Variants in DMD observed in about 807,000 individuals in gnomAD.
DMD encodes the protein dystrophin, also known as mutant dystrophin.
A neutral mutation model predicts 330.1 loss-of-function variants in DMD; 63 were observed. The ratio of observed to expected loss-of-function variants is 0.19; its 90% confidence interval spans 0.16 to 0.24. The LOEUF (loss-of-function observed/expected upper bound fraction) is 0.24, where lower values mean the gene tolerates loss of function less well. Among genes scored for constraint, DMD ranks in the 10% least tolerant of loss-of-function variants. DMD has a pLI of 1.00. For missense variants in DMD, 3,344 were observed against 2,684.1 expected, an observed-to-expected ratio of 1.25 and a Z score of -5.43; for synonymous variants, 1,223 against 959.8, an observed-to-expected ratio of 1.27 and a Z score of -5.07.
chrX:31,896,894 T>C (rs1274816264), intron 47 of DMD, among the ~76,000 whole-genome samples: 12 of 111,635 alleles, frequency 1.1e-4, no homozygotes, highest in Non-Finnish European at 2.1e-4. Context: ...AGAACAACAT[T>C]TTACAATTTC....
intron 1 of DMD, among the ~76,000 whole-genome samples, chrX:33,192,640 G>T (rs925675864): frequency 2.7e-5 from 3 of 111,942 alleles, no homozygotes; most frequent in Non-Finnish European, 5.6e-5. Context: ...AGCCAGAGGG[G>T]AAATATACCC....
chrX:33,025,158 G>T (rs1350498319), intron 1 of DMD, among the ~76,000 whole-genome samples: 1 of 112,210 alleles, frequency 8.9e-6, no homozygotes, highest in East Asian at 2.8e-4. Context: ...TGTTAGAAAA[G>T]ATATTTTGGA....
At chrX:31,878,553 G>A (rs1273073616) in intron 47 of DMD, among the ~76,000 whole-genome samples, 1 of 111,691 alleles carries the variant, frequency 9.0e-6, no homozygotes, top group Non-Finnish European at 1.9e-5. Flanking sequence ...GCTTCTGCAC[G>A]ACCAAAAGAG....
intron 7 of DMD, among the ~76,000 whole-genome samples, chrX:32,790,393 C>A (rs924358235): frequency 9.0e-6 from 1 of 111,351 alleles, no homozygotes; most frequent in Middle Eastern, 4.6e-3. Context: ...GCCCTTCAAC[C>A]CGTGTGGGCC....
At chrX:31,326,073 G>A (rs1049796474) in intron 61 of DMD, among the ~76,000 whole-genome samples, 6 of 109,933 alleles carry the variant, frequency 5.5e-5, no homozygotes, top group African/African-American at 1.7e-4. Flanking sequence ...GCGTCTCTCA[G>A]AAAGAAGTGT....
chrX:31,849,557 C>T (rs1382984538), intron 48 of DMD, among the ~76,000 whole-genome samples: 2 of 110,062 alleles, frequency 1.8e-5, no homozygotes, highest in African/African-American at 3.3e-5. Context: ...GGAGCTATCA[C>T]GTAGGGGAAT....
At chrX:33,337,464 A>G (rs1347634291) in intron 1 of DMD, among the ~76,000 whole-genome samples, 1 of 111,701 alleles carries the variant, frequency 9.0e-6, no homozygotes, top group African/African-American at 3.2e-5. Context: ...GTAACACACT[A>G]TACAAAAGCA....
intron 1 of DMD, among the ~76,000 whole-genome samples, chrX:33,048,252 CTTTATA>C (rs1423343625): frequency 9.0e-6 from 1 of 111,612 alleles, no homozygotes; most frequent in African/African-American, 3.3e-5. Flanking sequence ...AGTTGCATTT[CTTTATA>C]TTTATATTAG....
At chrX:31,990,790 A>G (rs1421947310) in intron 44 of DMD, among the ~76,000 whole-genome samples, 1 of 112,344 alleles carries the variant, frequency 8.9e-6, no homozygotes, top group East Asian at 2.8e-4. Flanking sequence ...AATCTGAATT[A>G]AAATAAATAT....
chrX:31,129,663 T>C (rs2034220092), intron 77 of DMD, among the ~76,000 whole-genome samples: 1 of 112,020 alleles, frequency 8.9e-6, no homozygotes, highest in African/African-American at 3.2e-5. Flanking sequence ...AATAAAGCTT[T>C]ATAAAAACAG....
intron 60 of DMD, among the ~76,000 whole-genome samples, chrX:31,359,391 C>A (rs376918984): frequency 1.8e-5 from 2 of 111,865 alleles, no homozygotes; most frequent in African/African-American, 6.5e-5. Flanking sequence ...TGGTATACAT[C>A]CATCAGTGTA....
intron 1 of DMD, among the ~76,000 whole-genome samples, chrX:33,194,827 A>T (rs1419328264): frequency 8.9e-6 from 1 of 111,862 alleles, no homozygotes; most frequent in African/African-American, 3.2e-5. Context: ...ACCAGTTTTT[A>T]AAAATTCATT....
intron 1 of DMD, among the ~76,000 whole-genome samples, chrX:33,299,537 G>A (rs1461676451): frequency 9.0e-6 from 1 of 111,486 alleles, no homozygotes; most frequent in Non-Finnish European, 1.9e-5. Context: ...GAGGAAAGAT[G>A]GGCTAGGTAG....
At chrX:32,630,777 T>A (rs1274686324) in intron 11 of DMD, among the ~76,000 whole-genome samples, 1 of 112,110 alleles carries the variant, frequency 8.9e-6, no homozygotes, top group East Asian at 2.8e-4. Context: ...CCATTTGGAA[T>A]TCTCTGTCTG....
Position 31,507,326 on chromosome X carries a change from A to G in DMD, c.8345T>C (p.Met2782Thr). ...CCGAAGTTCACTCCACTTGAAGTTC[A>G]TGTTATCCAAACGTCTTTGTAACAG... ...AVLLQRRLDN[M>T]NFKWSELRKK... The change falls in exon 56 of 79, where the codon ATG becomes ACG. Residue 2782 changes from methionine to threonine, a missense_variant. Transcript: ENST00000357033. 1 of 1,211,635 alleles carries G rather than the reference A, an allele frequency of 8.3e-7. No homozygotes were observed. Among genetic ancestry groups the G allele is most frequent in the Non-Finnish European group, 1.1e-6 (1 of 895,430 alleles).
rs752032147 is a variant in DMD at position 32,661,348 on chromosome X, A to G, written c.961-16196T>C. Among the ~76,000 whole-genome samples the G allele has an allele frequency of 4.1e-4, 45 of 110,276 alleles. No individual in the cohort carries two copies. The Admixed American group carries it at 4.2e-3, about 10-fold the overall frequency. ...AGCACTCCACTAAATCATCTAATTT[A>G]ACCTCACAACATAAGGGATGATTAT... On this transcript the variant is annotated intron_variant, in intron 9 of 78. Transcript: ENST00000357033.
chrX:32,627,278 G>T (rs2058413635), intron 11 of DMD, among the ~76,000 whole-genome samples: 1 of 101,376 alleles, frequency 9.9e-6, no homozygotes, highest in African/African-American at 4.3e-5. Context: ...CAGATGCACA[G>T]AGGTAACATG....
intron 45 of DMD, among the ~76,000 whole-genome samples, chrX:31,957,129 G>A (rs759036246): frequency 9.0e-6 from 1 of 111,484 alleles, no homozygotes; most frequent in Non-Finnish European, 1.9e-5. Context: ...CCAAGAGTTC[G>A]AGATCCAATC....
At chrX:32,244,077 G>T (rs1313386538) in intron 43 of DMD, among the ~76,000 whole-genome samples, 1 of 97,131 alleles carries the variant, frequency 1.0e-5, no homozygotes, top group African/African-American at 3.7e-5. Flanking sequence ...CTAGCATTAG[G>T]TATATCTCCC....
Sources: allele counts gnomAD v4.1 joint callset (sites outside exome capture counted in the v4.1 genomes callset), GRCh38; gene constraint gnomAD v4.1.1; transcripts MANE v1.5; gene names NCBI Gene and HGNC (gene_info 2026-07-23, HGNC 2026-07-21).